TASP1: variants seen among roughly 807,000 people sequenced by gnomAD.
The protein encoded by TASP1 is threonine aspartase 1.
A neutral mutation model predicts 56.6 loss-of-function variants in TASP1; 16 were observed. The observed-to-expected ratio is 0.28, with a 90% CI of 0.19 to 0.43. TASP1 has a LOEUF of 0.43. TASP1 is among the 20% of genes least tolerant of loss of function. The probability of loss-of-function intolerance (pLI) is 1.00; values close to 1 mark genes in which losing one functional copy is unlikely to be tolerated. For synonymous variants in TASP1, 179 were observed against 184.2 expected (o/e 0.97, Z 0.23); for missense variants, 393 against 511.6 (o/e 0.77, Z 2.24).
chr20:13,410,464 T>C (rs2042059292), intron 13 of TASP1, among the ~76,000 whole-genome samples: 1 of 152,242 alleles, frequency 6.6e-6, no homozygotes, highest in African/African-American at 2.4e-5. Context: ...ATGAGTTTCG[T>C]TTTTTCTGCA....
chr20:13,129,801 C>T, the TASP1 span, among the ~76,000 whole-genome samples: 1 of 152,184 alleles, frequency 6.6e-6, no homozygotes, highest in Admixed American at 6.5e-5. Context: ...TAATCATCTG[C>T]CATCAATTTT....
At chr20:13,170,458 A>G in the TASP1 span, among the ~76,000 whole-genome samples, 1 of 152,156 alleles carries the variant, frequency 6.6e-6, no homozygotes, top group Admixed American at 6.6e-5. Context: ...TCTAATTTTC[A>G]TTGCATCCTG....
At chr20:13,450,060 C>A (rs147299796) in intron 11 of TASP1, among the ~76,000 whole-genome samples, 3 of 152,170 alleles carry the variant, frequency 2.0e-5, no homozygotes, top group Non-Finnish European at 4.4e-5. Flanking sequence ...GTGAGTCATG[C>A]AAGTTTTTTG....
At chr20:13,631,896 TC>T (rs1568673370) in intron 1 of TASP1, among the ~76,000 whole-genome samples, 1 of 151,164 alleles carries the variant, frequency 6.6e-6, no homozygotes, top group Non-Finnish European at 1.5e-5. Flanking sequence ...AAACCCTGTC[TC>T]TATTAATTAG....
intron 8 of TASP1, among the ~76,000 whole-genome samples, chr20:13,547,047 C>T (rs2045833356): frequency 6.6e-6 from 1 of 152,120 alleles, no homozygotes; most frequent in Admixed American, 6.5e-5. Context: ...TGGGTTTTCT[C>T]TTTCAAAATT....
At chr20:13,270,353 C>A in the TASP1 span, 1 of 810,396 alleles carries the variant, frequency 1.2e-6, no homozygotes, top group Non-Finnish European at 1.9e-6. Context: ...AGAAACTAAA[C>A]CATGGGTTTG....
At chr20:13,577,279 A>T (rs2046958863) in intron 6 of TASP1, among the ~76,000 whole-genome samples, 1 of 152,224 alleles carries the variant, frequency 6.6e-6, no homozygotes, top group African/African-American at 2.4e-5. Context: ...GGCAGAGTTT[A>T]GTCTAGGCAG....
the TASP1 span, among the ~76,000 whole-genome samples, chr20:13,375,837 A>G: frequency 5.9e-5 from 9 of 152,124 alleles, no homozygotes; most frequent in Non-Finnish European, 1.2e-4. Flanking sequence ...GTAACTAGTG[A>G]TGATGAATTT....
rs117345900 is a variant in TASP1 at position 13,603,838 on chromosome 20, T to G, written c.283-16468A>C. ...TGGGCTAGACTTTTGGACTTCCATG[T>G]TTATCTCTGTACTGTTCAATTTTAA... is the stretch of plus-strand genomic sequence containing the variant. On this transcript the variant is annotated intron_variant, in intron 4 of 13. Coordinates refer to ENST00000337743, the MANE Select transcript of TASP1 (RefSeq NM_017714.3). Among the ~76,000 whole-genome samples the G allele has an allele frequency of 1.1e-3, 174 of 152,278 alleles. 6 individuals carry two copies. The East Asian group carries it at 0.032, about 28-fold the overall frequency.
At position 13,509,539 on chromosome 20, in the gene TASP1, T is replaced by C. The variant is rs1243106510; in HGVS notation, c.874+18894A>G. The stretch of plus-strand genomic sequence containing the variant: ...ATGTGAGTTGATGGATTATGTTAAT[T>C]AGTTTGATTGTGGCAATCATCTCAC... On this transcript the variant is annotated intron_variant, in intron 10 of 13. Coordinates refer to ENST00000337743, the MANE Select transcript of TASP1 (RefSeq NM_017714.3). Among the ~76,000 whole-genome samples, 4 of 152,332 alleles carry C rather than the reference T, an allele frequency of 2.6e-5. No homozygotes were observed. In the East Asian group the frequency reaches 7.7e-4, roughly 29 times the overall value.
chr20:13,523,298 T>C (rs753339393), intron 10 of TASP1, among the ~76,000 whole-genome samples: 1 of 152,138 alleles, frequency 6.6e-6, no homozygotes, highest in Non-Finnish European at 1.5e-5. Flanking sequence ...TGCTGCTAAA[T>C]AGAAGCTGAA....
the TASP1 span, chr20:13,165,011 T>C: frequency 1.6e-6 from 1 of 616,210 alleles, no homozygotes; most frequent in Admixed American, 3.1e-5. Flanking sequence ...GGAGACGTTG[T>C]TGTTTTTAAT....
chr20:13,158,914 G>A, the TASP1 span, among the ~76,000 whole-genome samples: 3 of 152,204 alleles, frequency 2.0e-5, no homozygotes, highest in African/African-American at 7.2e-5. Flanking sequence ...ATGTTTCTCT[G>A]GTGCTGTCAG....
chr20:13,134,382 CATT>C, the TASP1 span, among the ~76,000 whole-genome samples: 1 of 152,168 alleles, frequency 6.6e-6, no homozygotes, highest in African/African-American at 2.4e-5. Flanking sequence ...TAATTTTACT[CATT>C]ATGCCTATCT....
At chr20:13,307,785 C>T in the TASP1 span, among the ~76,000 whole-genome samples, 1 of 152,336 alleles carries the variant, frequency 6.6e-6, no homozygotes, top group South Asian at 2.1e-4. Flanking sequence ...ATGCTTATCA[C>T]ATTTCCAATG....
chr20:13,554,725 G>A (rs1271102326), intron 8 of TASP1, among the ~76,000 whole-genome samples: 1 of 151,700 alleles, frequency 6.6e-6, no homozygotes, highest in Admixed American at 6.6e-5. Context: ...TCTATTAAGT[G>A]TATAATAGCA....
chr20:13,340,746 A>T, the TASP1 span, among the ~76,000 whole-genome samples: 2 of 152,084 alleles, frequency 1.3e-5, 1 homozygote, highest in South Asian at 4.1e-4. Context: ...TTTGCAGAAG[A>T]TCAAATACAT....
At chr20:13,127,711 C>T in the TASP1 span, among the ~76,000 whole-genome samples, 1 of 152,142 alleles carries the variant, frequency 6.6e-6, no homozygotes, top group African/African-American at 2.4e-5. Context: ...CTAGTGCTCC[C>T]CAAGACACTT....
chr20:13,580,847 G>A, intron 6 of TASP1, 50 bp downstream of exon 6: 1 of 1,583,476 alleles, frequency 6.3e-7, no homozygotes, highest in Admixed American at 1.7e-5. Flanking sequence ...GCCTTCTGTG[G>A]ATAAAAATGC....
Sources: allele counts gnomAD v4.1 joint callset (sites outside exome capture counted in the v4.1 genomes callset), GRCh38; gene constraint gnomAD v4.1.1; transcripts MANE v1.5; gene names NCBI Gene and HGNC (gene_info 2026-07-23, HGNC 2026-07-21).